PTPRD: variants seen among roughly 807,000 people sequenced by gnomAD.
The protein encoded by PTPRD is receptor-type tyrosine-protein phosphatase delta.
PTPRD carries 34 observed loss-of-function variants against 214.5 expected under a neutral mutation model. The observed-to-expected ratio is 0.16, with a 90% CI of 0.12 to 0.21. PTPRD has a LOEUF of 0.21. Ranked by LOEUF, PTPRD falls within the 10% of genes least tolerant of loss-of-function variation. PTPRD has a pLI of 1.00. For synonymous variants in PTPRD, 1,128 were observed against 845.7 expected (o/e 1.33, Z -5.79); for missense variants, 2,545 against 2,398.7 (o/e 1.06, Z -1.27).
At chr9:8,846,351 C>T (rs193048993) in intron 11 of PTPRD, among the ~76,000 whole-genome samples, 2 of 152,046 alleles carry the variant, frequency 1.3e-5, no homozygotes, top group African/African-American at 2.4e-5. Flanking sequence ...TACTATTGCA[C>T]CGAGCCAGGC....
chr9:10,321,666 T>A (rs928944620), intron 3 of PTPRD, among the ~76,000 whole-genome samples: 1 of 152,042 alleles, frequency 6.6e-6, no homozygotes, highest in African/African-American at 2.4e-5. Flanking sequence ...ACTCTTTTAT[T>A]TGTTTATTAA....
chr9:10,590,962 G>T (rs1010812518), intron 2 of PTPRD, among the ~76,000 whole-genome samples: 12 of 151,564 alleles, frequency 7.9e-5, no homozygotes, highest in African/African-American at 2.9e-4. Flanking sequence ...AAATAAAGCT[G>T]ATTTAAGAAT....
chr9:9,571,933 A>G (rs1236341268), intron 8 of PTPRD, among the ~76,000 whole-genome samples: 2 of 151,280 alleles, frequency 1.3e-5, no homozygotes, highest in Non-Finnish European at 3.0e-5. Context: ...CCTGGAGTCC[A>G]TTAACTGTAA....
intron 12 of PTPRD, among the ~76,000 whole-genome samples, chr9:8,642,880 T>C (rs1021260214): frequency 1.3e-5 from 2 of 152,192 alleles, no homozygotes; most frequent in South Asian, 4.1e-4. Flanking sequence ...AGCACAACTA[T>C]ACCAACACAT....
intron 2 of PTPRD, among the ~76,000 whole-genome samples, chr9:10,450,265 C>A (rs150475605): frequency 0.022 from 3,304 of 151,398 alleles, 139 homozygotes; most frequent in African/African-American, 0.068. Flanking sequence ...AATAAATAAA[C>A]ATAAATAAAT....
At chr9:8,515,357 T>C (rs1204311195) in intron 21 of PTPRD, among the ~76,000 whole-genome samples, 1 of 152,206 alleles carries the variant, frequency 6.6e-6, no homozygotes, top group Non-Finnish European at 1.5e-5. Context: ...TGATTACATA[T>C]TAATAATTTA....
At chr9:9,355,659 C>T (rs902306780) in intron 9 of PTPRD, among the ~76,000 whole-genome samples, 1 of 151,418 alleles carries the variant, frequency 6.6e-6, no homozygotes, top group Non-Finnish European at 1.5e-5. Flanking sequence ...GTCTGGATTT[C>T]ATGAGAAAGA....
chr9:10,397,926 A>G (rs2098201739), intron 2 of PTPRD, among the ~76,000 whole-genome samples: 1 of 152,000 alleles, frequency 6.6e-6, no homozygotes, highest in South Asian at 2.1e-4. Context: ...CTCAGAATGT[A>G]TTGTTGTCAT....
chr9:10,482,349 C>T (rs571835470), intron 2 of PTPRD, among the ~76,000 whole-genome samples: 70 of 151,396 alleles, frequency 4.6e-4, no homozygotes, highest in African/African-American at 1.3e-3. Context: ...CCAGCCTGGG[C>T]GACAGAGCAA....
intron 9 of PTPRD, among the ~76,000 whole-genome samples, chr9:9,223,592 A>G (rs1397543488): frequency 2.6e-5 from 4 of 152,018 alleles, no homozygotes; most frequent in Non-Finnish European, 1.5e-5. Context: ...TTTTAAAAGT[A>G]TTTTATGGAT....
In PTPRD at chr9:8,701,157, T is replaced by A. The variant is rs545200022; in HGVS notation, c.64+32623A>T. ...GCCTGGACGACAAAGCAAGACTCCA[T>A]CTCAAAAAAAAGAAAGTTAAATTTT... is the stretch of plus-strand genomic sequence containing the variant. On this transcript the variant is annotated intron_variant, in intron 12 of 45. Transcript: ENST00000381196. 5.3e-5 allele frequency among the ~76,000 whole-genome samples: 8 copies of A among 151,284 alleles called. No homozygotes were observed. The South Asian group carries it at 1.7e-3, about 32-fold the overall frequency.
intron 12 of PTPRD, among the ~76,000 whole-genome samples, chr9:8,648,047 C>T (rs114571419): frequency 0.028 from 4,309 of 152,296 alleles, 202 homozygotes; most frequent in African/African-American, 0.099. Context: ...GCAATCCCAG[C>T]TTCTGCTATT....
chr9:10,545,286 G>T (rs1590540913), intron 2 of PTPRD, among the ~76,000 whole-genome samples: 1 of 152,236 alleles, frequency 6.6e-6, no homozygotes, highest in Middle Eastern at 3.4e-3. Context: ...TCCCTTCCCT[G>T]CATGCCTGGA....
intron 11 of PTPRD, among the ~76,000 whole-genome samples, chr9:8,744,478 T>C (rs1270125953): frequency 6.6e-6 from 1 of 152,140 alleles, no homozygotes; most frequent in Admixed American, 6.5e-5. Flanking sequence ...TAAAAAGGAA[T>C]GAAATAATGG....
chr9:9,286,841 C>T (rs1450225197), intron 9 of PTPRD, among the ~76,000 whole-genome samples: 2 of 121,034 alleles, frequency 1.7e-5, no homozygotes, highest in East Asian at 5.1e-4. Flanking sequence ...AATGAGTAAA[C>T]AGAACAGCTC....
intron 5 of PTPRD, among the ~76,000 whole-genome samples, chr9:9,770,056 C>T (rs1044892897): frequency 2.0e-5 from 3 of 152,142 alleles, no homozygotes; most frequent in African/African-American, 7.2e-5. Flanking sequence ...GTGAACAGTG[C>T]TGCAATAAAC....
At chr9:8,396,955 C>T (rs72691051) in intron 36 of PTPRD, among the ~76,000 whole-genome samples, 8,626 of 151,848 alleles carry the variant, frequency 0.057, 332 homozygotes, top group African/African-American at 0.1. Context: ...AAAAGTACCA[C>T]GAAATAAAAT....
intron 9 of PTPRD, among the ~76,000 whole-genome samples, chr9:9,306,032 A>G (rs538488175): frequency 6.6e-6 from 1 of 152,326 alleles, no homozygotes; most frequent in Admixed American, 6.5e-5. Flanking sequence ...TAAGACACTA[A>G]ATACCAGTCA....
chr9:8,641,778 T>A (rs1233700777), intron 12 of PTPRD, among the ~76,000 whole-genome samples: 1 of 152,234 alleles, frequency 6.6e-6, no homozygotes, highest in Non-Finnish European at 1.5e-5. Context: ...TGATTTTTGC[T>A]TTTAAGAAGT....
Sources: allele counts gnomAD v4.1 joint callset (sites outside exome capture counted in the v4.1 genomes callset), GRCh38; gene constraint gnomAD v4.1.1; transcripts MANE v1.5; gene names NCBI Gene and HGNC (gene_info 2026-07-23, HGNC 2026-07-21).